OAF: variants seen among roughly 807,000 people sequenced by gnomAD.
The protein encoded by OAF is out at first homolog.
In OAF, 13 loss-of-function variants were observed where a neutral mutation model predicts 22.5. The observed-to-expected ratio is 0.58, with a 90% confidence interval of 0.38 to 0.92. The LOEUF (loss-of-function observed/expected upper bound fraction) is 0.92, where lower values mean the gene tolerates loss of function less well. Ranked by LOEUF, OAF falls within the 40% of genes least tolerant of loss-of-function variation. The pLI, the probability that OAF is intolerant of heterozygous loss-of-function variation, is 0.00. For synonymous variants in OAF, 175 were observed against 170.5 expected, an observed-to-expected ratio of 1.03 and a Z score of -0.21; for missense variants, 347 against 381.8, an observed-to-expected ratio of 0.91 and a Z score of 0.76.
chr11:120,219,254 C>A (rs1418822829), intron 1 of OAF, among the ~76,000 whole-genome samples: 1 of 152,100 alleles, frequency 6.6e-6, no homozygotes, highest in African/African-American at 2.4e-5. Context: ...ACAGGAGCCA[C>A]TGGGAGACCT....
intron 3 of OAF, 43 bp from the exon 4 acceptor site, chr11:120,228,825 T>TACCAAACA: frequency 4.6e-6 from 2 of 434,174 alleles, no homozygotes; most frequent in Non-Finnish European, 9.3e-6. Flanking sequence ...GCTCCTTCCC[T>TACCAAACA]CCCTCCCTCC....
At position 120,220,804 on chromosome 11, in the gene OAF, G is replaced by A. The variant is rs533486028; in HGVS notation, c.232-4857G>A. Among the ~76,000 whole-genome samples the A allele has an allele frequency of 3.3e-5, 5 of 152,360 alleles. No homozygotes were observed. The East Asian group carries it at 9.7e-4, about 29-fold the overall frequency. On this transcript the variant is annotated intron_variant, in intron 1 of 3. Coordinates refer to ENST00000328965, the MANE Select transcript of OAF (RefSeq NM_178507.4). ...ACAAGCTCTCCGGTTCAGTGCATGG[G>A]AAGTGCAACAGTTGCTGTGAGCAGG...
chr11:120,222,953 A>G (rs1402546442), intron 1 of OAF, among the ~76,000 whole-genome samples: 1 of 152,128 alleles, frequency 6.6e-6, no homozygotes, highest in Admixed American at 6.5e-5. Flanking sequence ...AAGTCCTGGC[A>G]GGGCAGGCAG....
chr11:120,222,009 TG>T (rs1050449967), intron 1 of OAF, among the ~76,000 whole-genome samples: 2 of 152,224 alleles, frequency 1.3e-5, no homozygotes, highest in Admixed American at 6.5e-5. Flanking sequence ...AACAGATTCC[TG>T]GGCAAGGAGG....
chr11:120,214,564 C>T (rs1487483222), intron 1 of OAF, among the ~76,000 whole-genome samples: 1 of 152,194 alleles, frequency 6.6e-6, no homozygotes, highest in African/African-American at 2.4e-5. Flanking sequence ...CCATCCTTGT[C>T]CTGACAGTCC....
chr11:120,218,376 G>A (rs1377736815), intron 1 of OAF, among the ~76,000 whole-genome samples: 1 of 152,216 alleles, frequency 6.6e-6, no homozygotes, highest in Non-Finnish European at 1.5e-5. Context: ...AGAAGCCTGG[G>A]CAGAGCAGCC....
chr11:120,218,608 G>C (rs1385991906), intron 1 of OAF, among the ~76,000 whole-genome samples: 1 of 152,236 alleles, frequency 6.6e-6, no homozygotes, highest in Non-Finnish European at 1.5e-5. Flanking sequence ...GATGGCAGAG[G>C]ACACTCCCAG....
At chr11:120,213,541 T>G (rs1938176830) in intron 1 of OAF, among the ~76,000 whole-genome samples, 1 of 152,172 alleles carries the variant, frequency 6.6e-6, no homozygotes, top group Non-Finnish European at 1.5e-5. Context: ...CCCAAGTCCC[T>G]TTAACTCCAG....
chr11:120,220,588 G>A (rs554127904), intron 1 of OAF, among the ~76,000 whole-genome samples: 2 of 152,254 alleles, frequency 1.3e-5, no homozygotes, highest in South Asian at 4.1e-4. Context: ...TAGAGGCAGC[G>A]ACTGGGATTG....
chr11:120,229,452 A>G lies in OAF; in HGVS notation c.*310A>G, dbSNP rs1424150028. On this transcript the variant is annotated 3_prime_UTR_variant, in exon 4 of 4. Transcript: ENST00000328965. Reference sequence around the variant, plus strand: ...GTGTTCACTTGCAAGCTGCCAAAACATGATGGCCTCTGGTTGTTCTGTTGA... The same window carrying G: ...GTGTTCACTTGCAAGCTGCCAAAACGTGATGGCCTCTGGTTGTTCTGTTGA... 2 of 342,286 alleles carry G rather than the reference A, an allele frequency of 5.8e-6. No homozygotes were observed. The highest frequency in any genetic ancestry group is 1.1e-5 in the Non-Finnish European group (2 of 178,388). 21.2% of individuals were successfully genotyped at this position (342,286 alleles called of 1,614,324 possible).
intron 1 of OAF, among the ~76,000 whole-genome samples, 186 bp from the exon 2 acceptor site, chr11:120,225,475 G>A (rs368229274): frequency 8.4e-4 from 128 of 152,290 alleles, no homozygotes; most frequent in African/African-American, 3.0e-3. Flanking sequence ...AACATCTGGG[G>A]TGTGTTCTTT....
chr11:120,228,838 CCCT>C, intron 3 of OAF, 27 bp from the exon 4 acceptor site: 4 of 973,534 alleles, frequency 4.1e-6, no homozygotes, highest in South Asian at 2.8e-5. Context: ...CTCCCTCCCT[CCCT>C]CCCTGATCCT....
At chr11:120,228,825 T>TTCCCAC in intron 3 of OAF, 43 bp from the exon 4 acceptor site, 1 of 434,174 alleles carries the variant, frequency 2.3e-6, no homozygotes, top group Non-Finnish European at 4.7e-6. Flanking sequence ...GCTCCTTCCC[T>TTCCCAC]CCCTCCCTCC....
chr11:120,223,526 C>T (rs571227886), intron 1 of OAF, among the ~76,000 whole-genome samples: 2 of 152,272 alleles, frequency 1.3e-5, no homozygotes, highest in East Asian at 3.9e-4. Context: ...ATTATCATTC[C>T]CTTCCTGCAC....
intron 1 of OAF, among the ~76,000 whole-genome samples, chr11:120,211,910 TC>T (rs35691943): frequency 0.6 from 90,543 of 151,978 alleles, 29,284 homozygotes; most frequent in Non-Finnish European, 0.72. Flanking sequence ...GCCTCTTTCC[TC>T]CTATGGGCCT....
intron 1 of OAF, among the ~76,000 whole-genome samples, chr11:120,221,934 G>T (rs1176923188): frequency 1.3e-5 from 2 of 152,184 alleles, no homozygotes; most frequent in African/African-American, 4.8e-5. Flanking sequence ...TGCAGTCCCT[G>T]TTGTAGGCTC....
At chr11:120,223,733 A>G (rs1938312064) in intron 1 of OAF, among the ~76,000 whole-genome samples, 1 of 152,222 alleles carries the variant, frequency 6.6e-6, no homozygotes, top group South Asian at 2.1e-4. Context: ...AGACTTCCGG[A>G]TATTTCCTGC....
In OAF at chr11:120,228,963, G is replaced by A. The variant is rs138294086; in HGVS notation, c.643G>A (p.Val215Ile). The change falls in exon 4 of 4, where the codon GTC becomes ATC. Residue 215 changes from valine to isoleucine, a missense_variant. Transcript: ENST00000328965. ...GGTGGGGGACCACGGGAAGCCCTGC[G>A]TCTGCCGCTATGGCCTGAGCCTGGC... is the stretch of plus-strand genomic sequence containing the variant. ...RQVGDHGKPC[V>I]CRYGLSLAWY... is the part of the protein sequence containing the mutation. 2.6e-5 allele frequency: 42 copies of A among 1,612,614 alleles called. 1 individual carries two copies. The African/African-American group carries it at 2.8e-4, about 11-fold the overall frequency.
chr11:120,219,267 C>T (rs192538511), intron 1 of OAF, among the ~76,000 whole-genome samples: 136 of 152,138 alleles, frequency 8.9e-4, no homozygotes, highest in African/African-American at 2.2e-3. Context: ...GGAGACCTTG[C>T]GGGAAGGAGA....
Sources: allele counts gnomAD v4.1 joint callset (sites outside exome capture counted in the v4.1 genomes callset), GRCh38; gene constraint gnomAD v4.1.1; transcripts MANE v1.5; gene names NCBI Gene and HGNC (gene_info 2026-07-23, HGNC 2026-07-21).